ZMYND8: variants seen among roughly 807,000 people sequenced by gnomAD.
ZMYND8 encodes MYND-type zinc finger-containing chromatin reader ZMYND8.
Under a neutral mutation model 140.8 loss-of-function variants are expected in ZMYND8, and 37 were observed. That is an observed-to-expected ratio of 0.26 (90% CI 0.20 to 0.35). The LOEUF (loss-of-function observed/expected upper bound fraction) is 0.35. Ranked by LOEUF, ZMYND8 falls within the 10% of genes least tolerant of loss-of-function variation. The probability of loss-of-function intolerance (pLI) is 1.00; values close to 1 mark genes in which losing one functional copy is unlikely to be tolerated. For missense variants in ZMYND8, 1,068 were observed against 1,570.0 expected (o/e 0.68, Z 5.40); for synonymous variants, 592 against 597.1 (o/e 0.99, Z 0.12).
At chr20:47,334,652 C>CG (rs1302957290) in intron 2 of ZMYND8, among the ~76,000 whole-genome samples, 1 of 151,182 alleles carries the variant, frequency 6.6e-6, no homozygotes, top group East Asian at 1.9e-4. Context: ...CTCTGTCACC[C>CG]GGGCTGGAGT....
Position 47,276,657 on chromosome 20 carries a change from A to C in ZMYND8, c.1137T>G (p.Val379=), listed in dbSNP as rs1438594287. 6.2e-7 allele frequency: 1 copy of C among 1,612,814 alleles called. No individual in the cohort carries two copies. Among genetic ancestry groups the C allele is most frequent in the Non-Finnish European group, 8.5e-7 (1 of 1,179,808 alleles). ...YVENIRRKFG[V]FNYSPFRTPY... is the part of the protein sequence containing the mutation. ...GTGTCCTAAATGGAGAGTAATTAAA[A>C]ACCCCAAACTTCCTGCGGATGTTCT... Residue 379 remains valine, a synonymous_variant, in exon 11 of 23, where the codon GTT becomes GTG. Transcript: ENST00000471951.
At chr20:47,321,415 G>C (rs1025689927) in intron 2 of ZMYND8, among the ~76,000 whole-genome samples, 1 of 152,214 alleles carries the variant, frequency 6.6e-6, no homozygotes, top group African/African-American at 2.4e-5. Flanking sequence ...ACTGGGTAGA[G>C]GTGAGGGATG....
intron 1 of ZMYND8, 165 bp downstream of exon 1, chr20:47,356,492 G>A (rs990645118): frequency 2.6e-5 from 41 of 1,594,520 alleles, no homozygotes; most frequent in Non-Finnish European, 3.4e-5. Flanking sequence ...ACTGAGCCAT[G>A]TGACCCAAGA....
intron 2 of ZMYND8, among the ~76,000 whole-genome samples, chr20:47,341,875 C>T (rs375081260): frequency 2.6e-5 from 4 of 151,506 alleles, no homozygotes; most frequent in Non-Finnish European, 4.4e-5. Context: ...TGGTGGCGGG[C>T]GCCTGTAATC....
At chr20:47,312,332 A>C (rs1022614378) in intron 2 of ZMYND8, among the ~76,000 whole-genome samples, 10 of 152,170 alleles carry the variant, frequency 6.6e-5, no homozygotes, top group African/African-American at 2.2e-4. Flanking sequence ...CCCAAAACCC[A>C]ATCTACAGGA....
At chr20:47,221,642 G>C (rs1182167415) in intron 19 of ZMYND8, among the ~76,000 whole-genome samples, 168 bp from the exon 20 acceptor site, 2 of 152,196 alleles carry the variant, frequency 1.3e-5, no homozygotes, top group African/African-American at 2.4e-5. Context: ...CCAGAAGCTG[G>C]AATTCCAAAC....
intron 2 of ZMYND8, among the ~76,000 whole-genome samples, chr20:47,344,849 A>G (rs2082208736): frequency 6.6e-6 from 1 of 152,218 alleles, no homozygotes; most frequent in African/African-American, 2.4e-5. Context: ...ATGGTGGCAC[A>G]TGCCTATAAT....
chr20:47,320,472 A>G (rs2079846215), intron 2 of ZMYND8: 1 of 152,396 alleles, frequency 6.6e-6, no homozygotes, highest in South Asian at 2.1e-4. Flanking sequence ...TAATCCCAAC[A>G]CGTTGGGAGG....
In ZMYND8 at chr20:47,222,491, G is replaced by A. The variant is rs191633531; in HGVS notation, c.3257-1017C>T. On this transcript the variant is annotated intron_variant, in intron 19 of 22. Transcript: ENST00000471951. The stretch of plus-strand genomic sequence containing the variant: ...GCGGAGCTTGCAGTGAGCTGAGATC[G>A]CGCCGTTGCACTCCAGCCTGGGAGA... Among the ~76,000 whole-genome samples, 1,101 of 152,256 alleles carry A rather than the reference G, an allele frequency of 7.2e-3. 19 individuals are homozygous for A. Among genetic ancestry groups the A allele is most frequent in the African/African-American group, 0.025 (1,035 of 41,548 alleles).
At position 47,264,129 on chromosome 20, in the gene ZMYND8, G is replaced by A. The variant is rs139442496; in HGVS notation, c.1481-1701C>T. ...TCAAAAGTGCTGAAACTGACACGCC[G>A]CATAGGGATGGAGTAGGCATGCAGC... On this transcript the variant is annotated intron_variant, in intron 11 of 22. Coordinates refer to ENST00000471951, the MANE Select transcript of ZMYND8 (RefSeq NM_001281775.3). Among the ~76,000 whole-genome samples, 107 of 152,318 alleles carry A rather than the reference G, an allele frequency of 7.0e-4. No homozygotes were observed. The East Asian group carries it at 0.018, about 26-fold the overall frequency.
intron 16 of ZMYND8, among the ~76,000 whole-genome samples, chr20:47,235,688 CAG>C (rs1332119011): frequency 2.0e-5 from 3 of 146,656 alleles, no homozygotes; most frequent in East Asian, 3.9e-4. Context: ...GCCTGGGGAA[CAG>C]AGTGAGACTC....
intron 12 of ZMYND8, among the ~76,000 whole-genome samples, chr20:47,256,820 A>T (rs2074768916): frequency 2.6e-5 from 4 of 152,184 alleles, no homozygotes; most frequent in Non-Finnish European, 5.9e-5. Context: ...TGTCATTAAC[A>T]GTGGAGAAAT....
chr20:47,301,267 G>C (rs2078027640), intron 3 of ZMYND8, among the ~76,000 whole-genome samples: 2 of 150,594 alleles, frequency 1.3e-5, no homozygotes, highest in South Asian at 4.2e-4. Context: ...CGATTCTCCT[G>C]CCTCAGCCTC....
At chr20:47,251,583 C>CAA (rs570727691) in intron 12 of ZMYND8, among the ~76,000 whole-genome samples, 1 of 132,022 alleles carries the variant, frequency 7.6e-6, no homozygotes, top group African/African-American at 2.8e-5. Flanking sequence ...ATCCTGTCTC[C>CAA]AAAAAAAAAA....
At chr20:47,351,955 C>G in intron 1 of ZMYND8, 1 of 985,390 alleles carries the variant, frequency 1.0e-6, no homozygotes. Flanking sequence ...TCTGCAATGA[C>G]AGGGAGAGTT....
chr20:47,224,281 C>A (rs774498860), intron 19 of ZMYND8, 36 bp downstream of exon 19: 3 of 1,610,632 alleles, frequency 1.9e-6, no homozygotes, highest in Admixed American at 1.7e-5. Context: ...CAAGCCACTG[C>A]AGCCCAGGAC....
chr20:47,341,743 C>G (rs1299110105), intron 2 of ZMYND8, among the ~76,000 whole-genome samples: 2 of 152,088 alleles, frequency 1.3e-5, no homozygotes, highest in East Asian at 3.9e-4. Flanking sequence ...GTGGCTCGTG[C>G]CTGTAATCCC....
At chr20:47,243,367 T>C (rs552434652) in intron 14 of ZMYND8, among the ~76,000 whole-genome samples, 1 of 152,374 alleles carries the variant, frequency 6.6e-6, no homozygotes, top group East Asian at 1.9e-4. Flanking sequence ...CTTAGGAAGC[T>C]GCTCTAACTG....
intron 11 of ZMYND8, among the ~76,000 whole-genome samples, chr20:47,263,906 T>C (rs950288973): frequency 2.0e-5 from 3 of 152,214 alleles, no homozygotes; most frequent in African/African-American, 7.2e-5. Context: ...CTCTAGGGCT[T>C]TGGGGTTATC....
Sources: allele counts gnomAD v4.1 joint callset (sites outside exome capture counted in the v4.1 genomes callset), GRCh38; gene constraint gnomAD v4.1.1; transcripts MANE v1.5; gene names NCBI Gene and HGNC (gene_info 2026-07-23, HGNC 2026-07-21).